Variants in ARSB observed in about 807,000 individuals in gnomAD.
The protein encoded by ARSB is arylsulfatase B, also known as N-acetylgalactosamine-4-sulfatase.
A neutral mutation model predicts 50.9 loss-of-function variants in ARSB; 41 were observed. The ratio of observed to expected loss-of-function variants is 0.81; its 90% confidence interval spans 0.63 to 1.04. The LOEUF (loss-of-function observed/expected upper bound fraction) is 1.04, where lower values mean the gene tolerates loss of function less well. Among genes scored for constraint, ARSB ranks in the 50% least tolerant of loss-of-function variants. The pLI, the probability that ARSB is intolerant of heterozygous loss-of-function variation, is 0.00. For missense variants in ARSB, 672 were observed against 693.3 expected, an observed-to-expected ratio of 0.97 and a Z score of 0.35; for synonymous variants, 269 against 284.8, an observed-to-expected ratio of 0.94 and a Z score of 0.56.
chr5:78,841,745 A>G (rs1745223046), intron 5 of ARSB, among the ~76,000 whole-genome samples: 1 of 152,206 alleles, frequency 6.6e-6, no homozygotes, highest in Non-Finnish European at 1.5e-5. Flanking sequence ...GTATTTTAAA[A>G]TAAGTAAATT....
chr5:78,799,490 C>T (rs1256766507), intron 6 of ARSB, among the ~76,000 whole-genome samples: 1 of 152,170 alleles, frequency 6.6e-6, no homozygotes, highest in South Asian at 2.1e-4. Context: ...AGAGAGACTC[C>T]CTCCCTAACA....
At chr5:78,908,318 G>A (rs1749157697) in intron 4 of ARSB, among the ~76,000 whole-genome samples, 1 of 152,086 alleles carries the variant, frequency 6.6e-6, no homozygotes, top group Admixed American at 6.5e-5. Flanking sequence ...CGCTGGGACT[G>A]TATTTTGTCG....
intron 2 of ARSB, among the ~76,000 whole-genome samples, chr5:78,968,075 C>A (rs1752278782): frequency 6.6e-6 from 1 of 151,946 alleles, no homozygotes; most frequent in Non-Finnish European, 1.5e-5. Context: ...TTATAAAATA[C>A]TTATTATTAT....
intron 5 of ARSB, among the ~76,000 whole-genome samples, chr5:78,861,988 C>A (rs1379084881): frequency 6.6e-6 from 1 of 152,118 alleles, no homozygotes; most frequent in Non-Finnish European, 1.5e-5. Context: ...AACAGAGAAC[C>A]AAATCACAAC....
chr5:78,953,308 G>A (rs1304926553), intron 4 of ARSB, among the ~76,000 whole-genome samples: 1 of 152,210 alleles, frequency 6.6e-6, no homozygotes, highest in African/African-American at 2.4e-5. Flanking sequence ...CATCATCTGG[G>A]AGGCAGGATA....
At chr5:78,975,764 G>A (rs548410056) in intron 1 of ARSB, among the ~76,000 whole-genome samples, 12 of 152,288 alleles carry the variant, frequency 7.9e-5, no homozygotes, top group East Asian at 7.7e-4. Context: ...GCTCTTTCAC[G>A]AACTGTGTAA....
intron 5 of ARSB, among the ~76,000 whole-genome samples, chr5:78,841,935 T>G (rs1186228728): frequency 6.6e-6 from 1 of 152,172 alleles, no homozygotes; most frequent in African/African-American, 2.4e-5. Context: ...GATAAGGATG[T>G]GGTTAGAGAT....
At chr5:78,866,678 G>A (rs1272989849) in intron 5 of ARSB, among the ~76,000 whole-genome samples, 2 of 152,188 alleles carry the variant, frequency 1.3e-5, no homozygotes, top group South Asian at 2.1e-4. Context: ...GCTGAGAGAG[G>A]AGCAGCTGAA....
chr5:78,867,469 C>T (rs1483799951), intron 5 of ARSB, among the ~76,000 whole-genome samples: 9 of 152,246 alleles, frequency 5.9e-5, no homozygotes, highest in African/African-American at 2.2e-4. Flanking sequence ...AGCTGGAGAT[C>T]TGAGAACGGG....
At chr5:78,862,103 A>G (rs1158471484) in intron 5 of ARSB, among the ~76,000 whole-genome samples, 1 of 152,224 alleles carries the variant, frequency 6.6e-6, no homozygotes, top group Non-Finnish European at 1.5e-5. Flanking sequence ...CCACTGCTCA[A>G]CGAAATAAAA....
chr5:78,954,771 C>T (rs2919652), intron 4 of ARSB, among the ~76,000 whole-genome samples: 70,843 of 152,058 alleles, frequency 0.47, 16,483 homozygotes, highest in African/African-American at 0.53. Context: ...TCCCAAAGTG[C>T]TGGGATTACA....
intron 1 of ARSB, among the ~76,000 whole-genome samples, chr5:78,973,966 A>G (rs746162958): frequency 5.3e-5 from 8 of 152,160 alleles, no homozygotes; most frequent in South Asian, 4.1e-4. Context: ...TACACCAGAG[A>G]GCCTATGGGA....
intron 1 of ARSB, among the ~76,000 whole-genome samples, chr5:78,969,838 C>G (rs547170): frequency 6.6e-6 from 1 of 152,112 alleles, no homozygotes; most frequent in African/African-American, 2.4e-5. Context: ...AGGCTGGTCT[C>G]GAACTCCTGA....
At chr5:78,834,833 AT>A (rs1744875201) in intron 6 of ARSB, among the ~76,000 whole-genome samples, 1 of 151,540 alleles carries the variant, frequency 6.6e-6, no homozygotes, top group African/African-American at 2.4e-5. Context: ...TGATAATTCT[AT>A]TTTTAATATT....
intron 6 of ARSB, among the ~76,000 whole-genome samples, chr5:78,818,952 G>C (rs1232240340): frequency 1.3e-5 from 2 of 152,152 alleles, no homozygotes; most frequent in Non-Finnish European, 2.9e-5. Flanking sequence ...TGGCTCCTTA[G>C]GGGCAGAGGC....
intron 4 of ARSB, among the ~76,000 whole-genome samples, chr5:78,912,771 C>T (rs1749366202): frequency 6.6e-6 from 1 of 152,186 alleles, no homozygotes; most frequent in Non-Finnish European, 1.5e-5. Context: ...AACGCATCTA[C>T]ATTTTACAGG....
At chr5:78,929,517 G>A (rs1272893319) in intron 4 of ARSB, among the ~76,000 whole-genome samples, 1 of 152,050 alleles carries the variant, frequency 6.6e-6, no homozygotes, top group African/African-American at 2.4e-5. Flanking sequence ...CTGGCCCGGC[G>A]CAGTGGCTCA....
At chr5:78,939,007 T>G (rs12658000) in intron 4 of ARSB, among the ~76,000 whole-genome samples, 45,878 of 152,046 alleles carry the variant, frequency 0.3, 7,550 homozygotes, top group Middle Eastern at 0.37. Flanking sequence ...CACCCTCAAG[T>G]CACTGTGACA....
At position 78,942,072 on chromosome 5, in the gene ARSB, A is replaced by G. The variant is rs181782119; in HGVS notation, c.898+13223T>C. Reference sequence around the variant, plus strand: ...TAGATTTTCTAGTTTGTTTGCGTAGAGGTGTTTGTAGTATTCTCTGATGGT... The same window carrying G: ...TAGATTTTCTAGTTTGTTTGCGTAGGGGTGTTTGTAGTATTCTCTGATGGT... On this transcript the variant is annotated intron_variant, in intron 4 of 7. Coordinates refer to ENST00000264914, the MANE Select transcript of ARSB (RefSeq NM_000046.5). Among the ~76,000 whole-genome samples the G allele has an allele frequency of 3.9e-4, 59 of 152,260 alleles. 1 individual carries two copies. Among genetic ancestry groups the G allele is most frequent in the Middle Eastern group, 3.4e-3 (1 of 294 alleles).
Sources: gnomAD v4.1 joint callset for allele counts (sites outside exome capture counted in the v4.1 genomes callset) on GRCh38, gnomAD v4.1.1 for gene constraint, MANE v1.5 for transcripts, NCBI Gene and HGNC (gene_info 2026-07-23, HGNC 2026-07-21) for gene names.